Variants in TRIM48 observed in about 807,000 individuals in gnomAD.
TRIM48 encodes the protein tripartite motif containing 48, also known as E3 ubiquitin-protein ligase TRIM48.
In TRIM48, 31 loss-of-function variants were observed where a neutral mutation model predicts 29.5. That is an observed-to-expected ratio of 1.05 (90% CI 0.79 to 1.42). The LOEUF is 1.42. Among genes scored for constraint, TRIM48 ranks in the 40% most tolerant of loss-of-function variants. The probability of loss-of-function intolerance (pLI) is 0.00; values close to 1 mark genes in which losing one functional copy is unlikely to be tolerated. For missense variants in TRIM48, 344 were observed against 265.0 expected, an observed-to-expected ratio of 1.30 and a Z score of -2.07; for synonymous variants, 128 against 90.6, an observed-to-expected ratio of 1.41 and a Z score of -2.34.
At position 55,265,542 on chromosome 11, in the gene TRIM48, C is replaced by T. The variant is rs1004558464; in HGVS notation, c.460-58C>T. 5.2e-5 allele frequency: 81 copies of T among 1,548,754 alleles called. 7 individuals carry two copies. The highest frequency in any genetic ancestry group is 4.0e-4 in the Admixed American group (23 of 56,920). ...CATTCTGGGCCCCCTCCCAATGAAA[C>T]GGTCTGTATGTTACTTTATTGTCTT... is the stretch of plus-strand genomic sequence containing the variant. On this transcript the variant is annotated intron_variant, in intron 2 of 5. Coordinates refer to ENST00000417545, the MANE Select transcript of TRIM48 (RefSeq NM_024114.5).
chr11:55,270,646 G>C lies in TRIM48; in HGVS notation c.*211G>C, dbSNP rs902805739. 32 of 1,580,266 alleles carry C rather than the reference G, an allele frequency of 2.0e-5. No homozygotes were observed. The highest frequency in any genetic ancestry group is 2.7e-5 in the Non-Finnish European group (31 of 1,163,122). On this transcript the variant is annotated 3_prime_UTR_variant, in exon 6 of 6. Coordinates refer to ENST00000417545, the MANE Select transcript of TRIM48 (RefSeq NM_024114.5). ...GGACTCTTGGAATTGGGCTTTTGGTGTCTGTAATAAGTATTGGAAAGGGAA... is the reference window on the plus strand; with the variant it reads ...GGACTCTTGGAATTGGGCTTTTGGTCTCTGTAATAAGTATTGGAAAGGGAA...
At chr11:55,270,405 TCTTTC>T in intron 5 of TRIM48, 27 bp from the exon 6 acceptor site, 1 of 1,412,306 alleles carries the variant, frequency 7.1e-7, no homozygotes. Flanking sequence ...TTTCTTTCTT[TCTTTC>T]TATTTATTTA....
intron 1 of TRIM48, among the ~76,000 whole-genome samples, chr11:55,263,761 T>C (rs1857342916): frequency 6.6e-6 from 1 of 152,176 alleles, no homozygotes; most frequent in South Asian, 2.1e-4. Flanking sequence ...TCAGGAAAAT[T>C]CGTTTGCTTG....
intron 1 of TRIM48, among the ~76,000 whole-genome samples, chr11:55,262,796 A>G (rs1437656434): frequency 8.5e-6 from 1 of 117,708 alleles, no homozygotes; most frequent in Admixed American, 1.1e-4. Flanking sequence ...AAATCAAAAC[A>G]CAATTTTTTG....
At chr11:55,267,586 T>C (rs2867256) in intron 3 of TRIM48, 1 of 1,563,734 alleles carries the variant, frequency 6.4e-7, no homozygotes, top group Non-Finnish European at 8.7e-7. Context: ...TTAAGAGGAA[T>C]GTAAGCGGAG....
rs1350771110 is a variant in TRIM48, at chr11:55,265,714, T to C, written c.555+19T>C. The C allele has an allele frequency of 1.3e-6, 2 of 1,568,726 alleles. 1 individual carries two copies. The highest frequency in any genetic ancestry group is 2.4e-5 in the South Asian group (2 of 82,894). ...CTGGAAGGTTAGTCCTGTAATACCC[T>C]ACCTTCTCCAGGAACTTATGGTGGG... is the stretch of plus-strand genomic sequence containing the variant. On this transcript the variant is annotated intron_variant, in intron 3 of 5. Coordinates refer to ENST00000417545, the MANE Select transcript of TRIM48 (RefSeq NM_024114.5).
At position 55,264,985 on chromosome 11, in the gene TRIM48, A is replaced by G. The variant is rs761788911; in HGVS notation, c.130A>G (p.Ile44Val). The change falls in exon 2 of 6, where the codon ATA becomes GTA. Residue 44 changes from isoleucine to valine, a missense_variant. Coordinates refer to ENST00000417545, the MANE Select transcript of TRIM48 (RefSeq NM_024114.5). ...CMNYFIDPVT[I>V]DCGHSFCRPC... Reference sequence around the variant, plus strand: ...GAACTACTTCATAGACCCGGTCACCATAGACTGTGGGCACAGCTTTTGCAG... The same window carrying G: ...GAACTACTTCATAGACCCGGTCACCGTAGACTGTGGGCACAGCTTTTGCAG... 1.4e-5 allele frequency: 22 copies of G among 1,584,644 alleles called. 4 individuals are homozygous for G. The highest frequency in any genetic ancestry group is 8.5e-5 in the Admixed American group (5 of 58,534).
At chr11:55,264,859 A>G (rs201421192) in intron 1 of TRIM48, 41 bp from the exon 2 acceptor site, 1 of 1,581,582 alleles carries the variant, frequency 6.3e-7, no homozygotes, top group Non-Finnish European at 8.6e-7. Context: ...GCTTTTCATC[A>G]ACCCAGACCC....
intron 1 of TRIM48, among the ~76,000 whole-genome samples, chr11:55,263,391 GC>G: frequency 6.6e-6 from 1 of 152,156 alleles, no homozygotes. Context: ...AGTGACTCAT[GC>G]CTGTAATCCC....
At position 55,267,111 on chromosome 11, in the gene TRIM48, A is replaced by G. The variant is rs1311451216; in HGVS notation, c.556-1239A>G. On this transcript the variant is annotated intron_variant, in intron 3 of 5. Coordinates refer to ENST00000417545, the MANE Select transcript of TRIM48 (RefSeq NM_024114.5). Reference sequence around the variant, plus strand: ...TCTATACTCCAACTCTTAAGCATGAACTATTCTTACTTTTCCATAAATGTG... The same window carrying G: ...TCTATACTCCAACTCTTAAGCATGAGCTATTCTTACTTTTCCATAAATGTG... 3.4e-5 allele frequency among the ~76,000 whole-genome samples: 5 copies of G among 148,106 alleles called. 1 individual carries two copies. Among genetic ancestry groups the G allele is most frequent in the Non-Finnish European group, 7.5e-5 (5 of 66,946 alleles).
chr11:55,269,407 A>G, intron 5 of TRIM48, 68 bp downstream of exon 5: 1 of 1,522,356 alleles, frequency 6.6e-7, no homozygotes, highest in Non-Finnish European at 8.8e-7. Context: ...CACATAGGTA[A>G]TATTTCATCC....
chr11:55,265,012 C>A lies in TRIM48; in HGVS notation c.157C>A (p.Pro53Thr), dbSNP rs1322826250. The A allele has an allele frequency of 6.3e-7, 1 of 1,584,562 alleles. No homozygotes were observed. The highest frequency in any genetic ancestry group is 8.6e-7 in the Non-Finnish European group (1 of 1,166,400). ...TIDCGHSFCR[P>T]CFYLNWQDIP... ...AGACTGTGGGCACAGCTTTTGCAGG[C>A]CCTGTTTCTACCTCAACTGGCAAGA... The change falls in exon 2 of 6, where the codon CCC (proline) becomes ACC (threonine). Residue 53 changes from proline (P) to threonine (T), a missense_variant. Transcript: ENST00000417545.
At chr11:55,265,415 A>G in intron 2 of TRIM48, 101 bp downstream of exon 2, 1 of 1,535,372 alleles carries the variant, frequency 6.5e-7, no homozygotes, top group Non-Finnish European at 8.8e-7. Flanking sequence ...GAGTCCCTTT[A>G]AGCAACTCTC....
rs779554871 is a variant in TRIM48 at position 55,265,676 on chromosome 11, C to G, written c.536C>G (p.Thr179Ser). ...ENQRNLNVETTRISHWKAFGD... is the reference protein window; with the variant it reads ...ENQRNLNVETSRISHWKAFGD... Reference sequence around the variant, plus strand: ...CAGAGAAACCTGAATGTGGAAACCACCAGAATCAGCCACTGGAAGGTTAGT... The same window carrying G: ...CAGAGAAACCTGAATGTGGAAACCAGCAGAATCAGCCACTGGAAGGTTAGT... The change falls in exon 3 of 6, where the codon ACC becomes AGC. Residue 179 changes from threonine to serine, a missense_variant. Thr to Ser is a moderately conservative substitution (Grantham distance 58). Transcript: ENST00000417545. 1.3e-6 allele frequency: 2 copies of G among 1,580,696 alleles called. No individual in the cohort carries two copies. The highest frequency in any genetic ancestry group is 1.7e-6 in the Non-Finnish European group (2 of 1,164,814).
chr11:55,267,479 G>A, intron 3 of TRIM48: 1 of 1,579,448 alleles, frequency 6.3e-7, no homozygotes, highest in African/African-American at 1.4e-5. Flanking sequence ...TCATGAAGAA[G>A]AAAAACATAA....
Position 55,269,293 on chromosome 11 carries a change from G to T in TRIM48, c.630G>T (p.Arg210Ser), listed in dbSNP as rs754370764. ...CCCAGCCTCTGAATCTAGCGCTCAG[G>T]GCAGGGCCCATCACTGGACTGAGGG... ...HMPQPLNLAL[R>S]AGPITGLRDR... The change falls in exon 5 of 6, where the codon AGG becomes AGT. Residue 210 changes from arginine (R) to serine (S), a missense_variant. Arg to Ser is a moderately radical substitution (Grantham distance 110). Transcript: ENST00000417545. 2 of 1,576,142 alleles carry T rather than the reference G, an allele frequency of 1.3e-6. No individual in the cohort carries two copies. Among genetic ancestry groups the T allele is most frequent in the East Asian group, 2.4e-5 (1 of 41,404 alleles).
At position 55,265,295 on chromosome 11, in the gene TRIM48, G is replaced by A. The variant is rs1350998526; in HGVS notation, c.440G>A (p.Trp147Ter). Reference protein sequence around the residue: ...HRYHRHCPAEWAAEEHWEKLL... With the variant: ...HRYHRHCPAE The stretch of plus-strand genomic sequence containing the variant: ...TATCACAGACACTGTCCCGCTGAGT[G>A]GGCTGCTGAGGAACACTGGGTAAGT... The change falls in exon 2 of 6, where the codon TGG becomes TAG. Residue 147 changes from tryptophan to a stop codon, truncating the protein, a stop_gained. Coordinates refer to ENST00000417545, the MANE Select transcript of TRIM48 (RefSeq NM_024114.5). LOFTEE classifies it high-confidence loss of function. 6.3e-7 allele frequency: 1 copy of A among 1,582,078 alleles called. No homozygotes were observed.
chr11:55,267,281 G>A (rs1590622252), intron 3 of TRIM48: 1 of 1,126,992 alleles, frequency 8.9e-7, no homozygotes. Flanking sequence ...AAAAATTTGT[G>A]GATTCTAAGA....
intron 5 of TRIM48, among the ~76,000 whole-genome samples, chr11:55,270,017 T>C (rs1857456246): frequency 6.8e-6 from 1 of 147,952 alleles, no homozygotes; most frequent in Admixed American, 6.8e-5. Flanking sequence ...TTTTATCCAG[T>C]TATCTAGAGC....
Sources: allele counts gnomAD v4.1 joint callset (sites outside exome capture counted in the v4.1 genomes callset), GRCh38; gene constraint gnomAD v4.1.1; transcripts MANE v1.5; gene names NCBI Gene and HGNC (gene_info 2026-07-23, HGNC 2026-07-21).